Variants in GLT6D1 observed in about 807,000 individuals in gnomAD.
GLT6D1 encodes the protein glycosyltransferase 6 domain containing 1, also known as putative glycosyltransferase 6 domain-containing protein 1.
In GLT6D1, 9 loss-of-function variants were observed where a neutral mutation model predicts 12.3. The observed-to-expected ratio is 0.73, with a 90% confidence interval of 0.44 to 1.27. GLT6D1 has a LOEUF of 1.27. Ranked by LOEUF, GLT6D1 falls within the 50% of genes most tolerant of loss-of-function variation. GLT6D1 has a pLI of 0.00. For synonymous variants in GLT6D1, 128 were observed against 132.3 expected (o/e 0.97, Z 0.23); for missense variants, 335 against 346.2 (o/e 0.97, Z 0.26).
rs2119157747 is a variant in GLT6D1 at position 135,639,135 on chromosome 9, A to G, written c.53T>C (p.Leu18Ser). 6.3e-7 allele frequency: 1 copy of G among 1,582,674 alleles called. No homozygotes were observed. The highest frequency in any genetic ancestry group is 8.7e-7 in the Non-Finnish European group (1 of 1,151,956). The change falls in exon 2 of 5, where the codon TTG (leucine) becomes TCG (serine). Residue 18 changes from leucine to serine, a missense_variant. Leu to Ser is a moderately radical substitution (Grantham distance 145). Coordinates refer to ENST00000371763, the MANE Select transcript of GLT6D1 (RefSeq NM_182974.3). ...TATTTACCTGAAATAACGCTCAACC[A>G]ACATCAGTGAAAAAGCAAATAAAAC... ...LLVLFAFSLM[L>S]VERYFRNHQV...
At chr9:135,627,747 T>G (rs1243854768) in intron 3 of GLT6D1, among the ~76,000 whole-genome samples, 1 of 152,216 alleles carries the variant, frequency 6.6e-6, no homozygotes, top group Non-Finnish European at 1.5e-5. Flanking sequence ...TGACAAACTG[T>G]CTTCCATAAA....
At chr9:135,628,378 T>A (rs1185599022) in intron 3 of GLT6D1, among the ~76,000 whole-genome samples, 1 of 152,146 alleles carries the variant, frequency 6.6e-6, no homozygotes. Context: ...TACAGTGTAT[T>A]ACATTAATTG....
upstream of GLT6D1, chr9:135,639,565 T>C (rs1358626743): frequency 6.3e-6 from 1 of 159,026 alleles, no homozygotes; most frequent in Non-Finnish European, 1.4e-5. Context: ...AAGTCGACTT[T>C]TTATTCTTTC....
At position 135,624,734 on chromosome 9, in the gene GLT6D1, T is replaced by TC. The variant is rs1833461326; in HGVS notation, c.258-65_258-64insG. On this transcript the variant is annotated intron_variant, in intron 4 of 4. Coordinates refer to ENST00000371763, the MANE Select transcript of GLT6D1 (RefSeq NM_182974.3). ...TTTTTTCTTTTCTTTCTTTTTTTTT[T>TC]TTTTTTTTTTTTTGAGATGGAGTCT... is the stretch of plus-strand genomic sequence containing the variant. The TC allele has an allele frequency of 8.7e-6, 6 of 693,492 alleles. No individual in the cohort carries two copies. The Admixed American group carries it at 1.5e-4, about 18-fold the overall frequency. The allele number at this position is 693,492 out of a possible 1,614,324, so 43.0% of individuals were successfully genotyped here.
chr9:135,638,249 C>T (rs1381062951), intron 2 of GLT6D1, among the ~76,000 whole-genome samples: 1 of 152,208 alleles, frequency 6.6e-6, no homozygotes, highest in Non-Finnish European at 1.5e-5. Context: ...AGACCAGCCC[C>T]CATGATTCAA....
chr9:135,636,010 A>T (rs2119150591), intron 2 of GLT6D1, among the ~76,000 whole-genome samples: 1 of 152,292 alleles, frequency 6.6e-6, no homozygotes, highest in East Asian at 1.9e-4. Context: ...TATTGACCCA[A>T]ATACATGTAC....
chr9:135,629,004 C>A (rs568471580), intron 3 of GLT6D1, among the ~76,000 whole-genome samples: 40 of 151,966 alleles, frequency 2.6e-4, no homozygotes, highest in Non-Finnish European at 2.6e-4. Context: ...TTCAAAAAAC[C>A]AATTTTGGTT....
Position 135,633,290 on chromosome 9 carries a change from C to T in GLT6D1, c.72-1812G>A, listed in dbSNP as rs572515157. On this transcript the variant is annotated intron_variant, in intron 2 of 4. Transcript: ENST00000371763. Reference sequence around the variant, plus strand: ...TTTGAGAGGCAGTCTTGCTCTGTCTCCCAGGCTGGAGTGCAGTGGTATGAT... The same window carrying T: ...TTTGAGAGGCAGTCTTGCTCTGTCTTCCAGGCTGGAGTGCAGTGGTATGAT... 2.0e-5 allele frequency among the ~76,000 whole-genome samples: 3 copies of T among 152,194 alleles called. No homozygotes were observed. In the East Asian group the frequency reaches 5.8e-4, roughly 29 times the overall value.
chr9:135,630,155 C>A (rs1833606644), intron 3 of GLT6D1, among the ~76,000 whole-genome samples: 1 of 152,132 alleles, frequency 6.6e-6, no homozygotes, highest in African/African-American at 2.4e-5. Flanking sequence ...CCTGTAATCC[C>A]AGCACTTTGG....
chr9:135,624,254 A>T lies in GLT6D1; in HGVS notation c.674T>A (p.Phe225Tyr), dbSNP rs996355485. The change falls in exon 5 of 5, where the codon TTC becomes TAC. Residue 225 changes from phenylalanine (F) to tyrosine (Y), a missense_variant. Phe to Tyr is a conservative substitution (Grantham distance 22, BLOSUM62 3). Transcript: ENST00000371763. ...ACCAACCATCAAGTTGCCATAATAG[A>T]AATCTCCCTGTCCAAACGGGATGCA... ...AACIPFGQGD[F>Y]YYGNLMVGGT... The T allele has an allele frequency of 2.5e-6, 4 of 1,605,010 alleles. No homozygotes were observed. Among genetic ancestry groups the T allele is most frequent in the Non-Finnish European group, 3.4e-6 (4 of 1,176,390 alleles).
intron 3 of GLT6D1, among the ~76,000 whole-genome samples, chr9:135,630,406 GAA>G (rs71384006): frequency 1.9e-3 from 249 of 129,344 alleles, no homozygotes; most frequent in East Asian, 0.014. Flanking sequence ...CTCTGTCTCA[GAA>G]AAAAAAAAAA....
chr9:135,629,468 T>C (rs1323172280), intron 3 of GLT6D1, among the ~76,000 whole-genome samples: 10 of 152,208 alleles, frequency 6.6e-5, no homozygotes, highest in African/African-American at 2.4e-4. Context: ...AAAAAAATGA[T>C]CAAATAACAT....
rs1395472709 is a variant in GLT6D1, at chr9:135,624,701, C to CTTTTCTCT, written c.258-39_258-32dup. 4 of 1,070,230 alleles carry CTTTTCTCT rather than the reference C, an allele frequency of 3.7e-6. No homozygotes were observed. The African/African-American group carries it at 6.8e-5, about 18-fold the overall frequency. 66.3% of individuals were successfully genotyped at this position (1,070,230 alleles called of 1,614,324 possible). A position where few individuals can be genotyped will look rare whatever the true frequency, so the allele number is the denominator to read the frequency against. On this transcript the variant is annotated intron_variant, in intron 4 of 4. Coordinates refer to ENST00000371763, the MANE Select transcript of GLT6D1 (RefSeq NM_182974.3). ...AAACACACAGTGGGGAAGAAACTTA[C>CTTTTCTCT]TTTTCTCTTTTTTCTTTTCTTTCTT...
upstream of GLT6D1, among the ~76,000 whole-genome samples, chr9:135,640,766 A>G (rs560133042): frequency 2.7e-4 from 41 of 152,268 alleles, no homozygotes; most frequent in Admixed American, 2.0e-3. Context: ...TGTGGCTCAC[A>G]TTATATTTCT....
At chr9:135,625,369 G>A (rs1044009799) in intron 4 of GLT6D1, among the ~76,000 whole-genome samples, 2 of 152,174 alleles carry the variant, frequency 1.3e-5, no homozygotes, top group African/African-American at 4.8e-5. Context: ...AGGAAATCGT[G>A]TCTATAGTAG....
chr9:135,624,181 T>G lies in GLT6D1; in HGVS notation c.747A>C (p.Gly249=), dbSNP rs773871875. ...GTCCATTTTTGATGTCATGAATAAC[T>G]CCGTTCAGATATTCTTTGATGAAGT... ...ILDFIKEYLN[G]VIHDIKNGLN... Residue 249 remains glycine (G), a synonymous_variant, in exon 5 of 5, where the codon GGA becomes GGC. Coordinates refer to ENST00000371763, the MANE Select transcript of GLT6D1 (RefSeq NM_182974.3). 7.4e-6 allele frequency: 12 copies of G among 1,612,912 alleles called. No individual in the cohort carries two copies. Among genetic ancestry groups the G allele is most frequent in the Non-Finnish European group, 9.3e-6 (11 of 1,179,614 alleles).
intron 3 of GLT6D1, among the ~76,000 whole-genome samples, chr9:135,627,900 C>A (rs1833555824): frequency 6.6e-6 from 1 of 152,144 alleles, no homozygotes; most frequent in African/African-American, 2.4e-5. Context: ...GAAGTGCTAT[C>A]TCATTGTGAC....
At chr9:135,636,845 A>ATTTCTTTTT (rs1833786025) in intron 2 of GLT6D1, among the ~76,000 whole-genome samples, 1 of 151,774 alleles carries the variant, frequency 6.6e-6, no homozygotes, top group Admixed American at 6.6e-5. Context: ...TTGATAGCTG[A>ATTTCTTTTT]TTTCTTTTTT....
In GLT6D1 at chr9:135,624,420, A is replaced by C. The variant is rs775299765; in HGVS notation, c.508T>G (p.Phe170Val). ...AAGACCTGGTTGGCAGCCATGCTGA[A>C]GAGGAAGTCCACCTCGTCCTGGATG... ...SHIQDEVDFL[F>V]SMAANQVFQN... The change falls in exon 5 of 5, where the codon TTC (phenylalanine) becomes GTC (valine). Residue 170 changes from phenylalanine (F) to valine (V), a missense_variant. Phe to Val is a conservative substitution (Grantham distance 50, BLOSUM62 -1). Transcript: ENST00000371763. 1.9e-6 allele frequency: 3 copies of C among 1,614,190 alleles called. No homozygotes were observed. Among genetic ancestry groups the C allele is most frequent in the South Asian group, 2.2e-5 (2 of 91,086 alleles).
Sources: gnomAD v4.1 joint callset for allele counts (sites outside exome capture counted in the v4.1 genomes callset) on GRCh38, gnomAD v4.1.1 for gene constraint, MANE v1.5 for transcripts, NCBI Gene and HGNC (gene_info 2026-07-23, HGNC 2026-07-21) for gene names.